CEP85L: variants seen among roughly 807,000 people sequenced by gnomAD.
The protein encoded by CEP85L is centrosomal protein 85L, also known as centrosomal protein of 85 kDa-like.
CEP85L carries 60 observed loss-of-function variants against 100.3 expected under a neutral mutation model. That is an observed-to-expected ratio of 0.60 (90% CI 0.49 to 0.74). CEP85L has a LOEUF of 0.74. Among genes scored for constraint, CEP85L ranks in the 30% least tolerant of loss-of-function variants. The pLI is 0.00. For synonymous variants in CEP85L, 319 were observed against 322.7 expected (o/e 0.99, Z 0.12); for missense variants, 973 against 936.2 (o/e 1.04, Z -0.51).
At chr6:118,654,058 G>A (rs12189855), upstream of CEP85L, among the ~76,000 whole-genome samples, 14,902 of 152,182 alleles carry the variant, frequency 0.098, 869 homozygotes, top group African/African-American at 0.14. Context: ...AAATTTATCA[G>A]ATTGTGCAAA....
intron 3 of CEP85L, among the ~76,000 whole-genome samples, chr6:118,558,654 CACACACAGAG>C (rs1387382412): frequency 3.6e-4 from 47 of 131,622 alleles, no homozygotes; most frequent in Middle Eastern, 3.6e-3. Context: ...CACACACACA[CACACACAGAG>C]AGAGAGAGAG....
chr6:118,674,668 T>C (rs914762284), intron 1 of CEP85L, among the ~76,000 whole-genome samples: 1 of 152,136 alleles, frequency 6.6e-6, no homozygotes, highest in South Asian at 2.1e-4. Context: ...TAGACATTGC[T>C]CCAAAGAAGA....
At chr6:118,547,017 T>C (rs1042599129) in intron 3 of CEP85L, among the ~76,000 whole-genome samples, 1 of 152,156 alleles carries the variant, frequency 6.6e-6, no homozygotes, top group Non-Finnish European at 1.5e-5. Context: ...GCCAAGATCA[T>C]TTCCATTTAA....
chr6:118,565,549 C>T lies in CEP85L; in HGVS notation c.1000G>A (p.Gly334Arg). 1 of 1,614,116 alleles carries T rather than the reference C, an allele frequency of 6.2e-7. No individual in the cohort carries two copies. The highest frequency in any genetic ancestry group is 8.5e-7 in the Non-Finnish European group (1 of 1,179,998). ...CTTACCTGCATTGGTGTTTCACTTC[C>T]TTGTCGAAAGTCTTCAATTTGCTGC... ...QQQQIEDFRQGSETPMQVLTG... is the reference protein window; with the variant it reads ...QQQQIEDFRQRSETPMQVLTG... Residue 334 changes from glycine (G) to arginine (R), a missense_variant, in exon 3 of 13, where the codon GGA becomes AGA. Around this residue, in one of 3 missense-constraint regions of CEP85L, gnomAD observed 890 missense variants for 844.5 expected, o/e 1.05. Transcript: ENST00000368491.
chr6:118,672,041 T>C (rs1356013132), intron 1 of CEP85L, among the ~76,000 whole-genome samples: 2 of 152,172 alleles, frequency 1.3e-5, no homozygotes, highest in Non-Finnish European at 2.9e-5. Flanking sequence ...TCTTTTTTTG[T>C]TTTGTTTTTG....
intron 3 of CEP85L, among the ~76,000 whole-genome samples, chr6:118,535,872 T>C (rs1777559718): frequency 6.6e-6 from 1 of 152,094 alleles, no homozygotes; most frequent in Non-Finnish European, 1.5e-5. Context: ...AATTAAATCT[T>C]ATAGATTTAA....
intron 1 of CEP85L, among the ~76,000 whole-genome samples, chr6:118,691,007 AAAAG>A (rs200753577): frequency 0.027 from 4,125 of 151,960 alleles, 89 homozygotes; most frequent in African/African-American, 0.049. Context: ...AGGAAAAAAA[AAAAG>A]AAAGAAGGAA....
At chr6:118,685,444 G>A (rs188950038) in intron 1 of CEP85L, among the ~76,000 whole-genome samples, 1 of 152,202 alleles carries the variant, frequency 6.6e-6, no homozygotes, top group East Asian at 1.9e-4. Context: ...TATTTACGTT[G>A]ATATAAATAA....
intron 2 of CEP85L, among the ~76,000 whole-genome samples, chr6:118,621,306 A>T (rs1049428031): frequency 6.6e-6 from 1 of 152,134 alleles, no homozygotes; most frequent in Admixed American, 6.5e-5. Flanking sequence ...CCAACCCCTA[A>T]GCCCCGCTCT....
At chr6:118,648,133 A>C (rs1247107277) in intron 1 of CEP85L, among the ~76,000 whole-genome samples, 1 of 152,196 alleles carries the variant, frequency 6.6e-6, no homozygotes, top group Non-Finnish European at 1.5e-5. Context: ...ACATGCCGGT[A>C]ATCCCAGCCA....
chr6:118,686,285 G>C (rs1255340758), intron 1 of CEP85L, among the ~76,000 whole-genome samples: 2 of 151,440 alleles, frequency 1.3e-5, no homozygotes, highest in Non-Finnish European at 2.9e-5. Flanking sequence ...AATGATTTTT[G>C]GATGTACTGT....
At chr6:118,651,039 G>A (rs1775519239) in intron 1 of CEP85L, among the ~76,000 whole-genome samples, 158 bp downstream of exon 1, 1 of 152,160 alleles carries the variant, frequency 6.6e-6, no homozygotes, top group Non-Finnish European at 1.5e-5. Context: ...ATGTCAGCCC[G>A]GGTGCTGACA....
chr6:118,512,280 C>T (rs1776014603), intron 4 of CEP85L, among the ~76,000 whole-genome samples: 1 of 152,112 alleles, frequency 6.6e-6, no homozygotes. Flanking sequence ...GTTCACAGTA[C>T]TCGATAACCC....
chr6:118,575,049 A>G (rs1780142252), intron 2 of CEP85L, among the ~76,000 whole-genome samples: 1 of 152,162 alleles, frequency 6.6e-6, no homozygotes, highest in Non-Finnish European at 1.5e-5. Flanking sequence ...TGAGCCCCAT[A>G]CACACACAAG....
chr6:118,588,827 T>A (rs972038269), intron 2 of CEP85L, among the ~76,000 whole-genome samples: 21 of 152,208 alleles, frequency 1.4e-4, no homozygotes, highest in Middle Eastern at 3.4e-3. Flanking sequence ...CTTCCGAGGA[T>A]CCTTGGATCT....
chr6:118,597,739 G>C (rs1219759144), intron 2 of CEP85L, among the ~76,000 whole-genome samples: 1 of 152,160 alleles, frequency 6.6e-6, no homozygotes, highest in Non-Finnish European at 1.5e-5. Flanking sequence ...TTATGAAAAA[G>C]ATAACGACTA....
In CEP85L at chr6:118,515,015, T is replaced by G. The variant is rs569698464; in HGVS notation, c.1140-3600A>C. Among the ~76,000 whole-genome samples, 12 of 152,056 alleles carry G rather than the reference T, an allele frequency of 7.9e-5. No homozygotes were observed. In the South Asian group the frequency reaches 2.5e-3, roughly 32 times the overall value. ...TTGTGAAGGTGAAATCTCACTATGT[T>G]GCCCAGGCTGGTCTCAAACTCCTGG... On this transcript the variant is annotated intron_variant, in intron 4 of 12. Coordinates refer to ENST00000368491, the MANE Select transcript of CEP85L (RefSeq NM_001042475.3).
chr6:118,574,480 G>C (rs533202117), intron 2 of CEP85L, among the ~76,000 whole-genome samples: 1 of 152,302 alleles, frequency 6.6e-6, no homozygotes, highest in Admixed American at 6.5e-5. Context: ...CCTGAGTGCT[G>C]GTTCTTCTTT....
intron 1 of CEP85L, among the ~76,000 whole-genome samples, chr6:118,638,565 A>G (rs1201125333): frequency 6.7e-6 from 1 of 148,278 alleles, no homozygotes; most frequent in African/African-American, 2.5e-5. Flanking sequence ...ATTGATATCT[A>G]GTATGCAATA....
Sources: allele counts gnomAD v4.1 joint callset (sites outside exome capture counted in the v4.1 genomes callset), GRCh38; gene constraint gnomAD v4.1.1; regional missense constraint gnomAD v4.1.1; transcripts MANE v1.5; gene names NCBI Gene and HGNC (gene_info 2026-07-23, HGNC 2026-07-21).